The following MKI67 variants were observed in gnomAD, a reference collection of about 807,000 sequenced individuals.
MKI67 encodes proliferation marker protein Ki-67.
In MKI67, 152 loss-of-function variants were observed where a neutral mutation model predicts 233.5. The observed-to-expected ratio is 0.65, with a 90% CI of 0.57 to 0.74. MKI67 has a LOEUF of 0.74. Among genes scored for constraint, MKI67 ranks in the 30% least tolerant of loss-of-function variants. The probability of loss-of-function intolerance (pLI) is 0.00; values close to 1 mark genes in which losing one functional copy is unlikely to be tolerated. For synonymous variants in MKI67, 1,465 were observed against 1,418.5 expected (o/e 1.03, Z -0.74); for missense variants, 3,940 against 3,885.2 (o/e 1.01, Z -0.37).
At chr10:128,117,807 G>A (rs1353442954) in intron 5 of MKI67, among the ~76,000 whole-genome samples, 4 of 152,100 alleles carry the variant, frequency 2.6e-5, no homozygotes, top group Non-Finnish European at 4.4e-5. Flanking sequence ...TTTGTTGTAC[G>A]ATTACATTCA....
rs1852242232 is a variant in MKI67, at chr10:128,097,752, C to T, written c.*1438G>A. On this transcript the variant is annotated 3_prime_UTR_variant, in exon 15 of 15. Coordinates refer to ENST00000368654, the MANE Select transcript of MKI67 (RefSeq NM_002417.5). ...GTGCAATCCCTGTACCCTTTGCAGC[C>T]CTGTGAAGCCCTCAGATGTCCCCTC... The T allele has an allele frequency of 6.6e-6, 1 of 152,432 alleles. No individual in the cohort carries two copies. Among genetic ancestry groups the T allele is most frequent in the African/African-American group, 2.4e-5 (1 of 41,402 alleles). The allele number at this position is 152,432 out of a possible 1,614,324, so 9.4% of individuals were successfully genotyped here. A position where few individuals can be genotyped will look rare whatever the true frequency, so the allele number is the denominator to read the frequency against.
In MKI67 at chr10:128,109,360, C is replaced by T. The variant is rs1852618280; in HGVS notation, c.2480G>A (p.Ser827Asn). The change falls in exon 13 of 15, where the codon AGC becomes AAC. Residue 827 changes from serine (S) to asparagine (N), a missense_variant. Physicochemically the swap from Ser to Asn is conservative, Grantham distance 46 (BLOSUM62 1). Coordinates refer to ENST00000368654, the MANE Select transcript of MKI67 (RefSeq NM_002417.5). ...AKQPSDKCSA[S>N]PPLRRQCIRE... ...AATACACTGCCGTCTTAAGGGAGGG[C>T]TTGCAGAGCATTTATCAGATGGCTG... 3 of 1,614,048 alleles carry T rather than the reference C, an allele frequency of 1.9e-6. No individual in the cohort carries two copies. Among genetic ancestry groups the T allele is most frequent in the Non-Finnish European group, 2.5e-6 (3 of 1,180,034 alleles).
At chr10:128,114,787 G>A (rs1456191700) in intron 7 of MKI67, 141 bp downstream of exon 7, 1 of 765,260 alleles carries the variant, frequency 1.3e-6, no homozygotes, top group East Asian at 2.6e-5. Context: ...AAAACAGCGT[G>A]CGTGTCTGTC....
At position 128,106,236 on chromosome 10, in the gene MKI67, G is replaced by A; in HGVS notation, c.5604C>T (p.Asp1868=). The A allele has an allele frequency of 6.2e-7, 1 of 1,614,034 alleles. No individual in the cohort carries two copies. Among genetic ancestry groups the A allele is most frequent in the Non-Finnish European group, 8.5e-7 (1 of 1,180,020 alleles). The part of the protein sequence containing the change: ...LCKSPQSDPA[D]TPTNTKQRPK... ...GCCGTTGCTTTGTGTTTGTTGGGGT[G>A]TCCGCTGGGTCTGATTGCGGAGATT... The change falls in exon 13 of 15, where the codon GAC becomes GAT. Residue 1868 remains aspartate, a synonymous_variant. Coordinates refer to ENST00000368654, the MANE Select transcript of MKI67 (RefSeq NM_002417.5).
intron 12 of MKI67, among the ~76,000 whole-genome samples, chr10:128,109,706 T>C (rs1049501810): frequency 6.6e-6 from 1 of 152,224 alleles, no homozygotes; most frequent in Non-Finnish European, 1.5e-5. Context: ...AAGGTTGCCA[T>C]GCCCTGTGTC....
At chr10:128,110,276 G>T (rs532961901) in intron 12 of MKI67, 102 bp downstream of exon 12, 1 of 932,194 alleles carries the variant, frequency 1.1e-6, no homozygotes, top group Non-Finnish European at 1.5e-6. Flanking sequence ...TTTGTGCCAG[G>T]AACATTTGTT....
Position 128,102,941 on chromosome 10 carries a change from T to C in MKI67, c.8899A>G (p.Lys2967Glu). Residue 2967 changes from lysine (K) to glutamate (E), a missense_variant, in exon 13 of 15, where the codon AAA (lysine) becomes GAA (glutamate). Lys to Glu is a moderately conservative substitution (Grantham distance 56). Transcript: ENST00000368654. ...ACCACGTCTCCCACGGGTTCTACTT[T>C]AGGGGCCCGAAGAACTCTTCTGGAT... The part of the protein sequence containing the change: ...KISRRVLRAP[K>E]VEPVGDVVST... The C allele has an allele frequency of 6.2e-7, 1 of 1,614,246 alleles. No homozygotes were observed. The highest frequency in any genetic ancestry group is 1.1e-5 in the South Asian group (1 of 91,088).
intron 12 of MKI67, among the ~76,000 whole-genome samples, chr10:128,109,813 T>C (rs139540104): frequency 1.1e-4 from 16 of 152,318 alleles, no homozygotes; most frequent in South Asian, 4.1e-4. Context: ...ATTATCCTTA[T>C]GTGGTTAGGG....
rs554477705 is a variant in MKI67, at chr10:128,109,438, T to C, written c.2417-15A>G. ...CACATTTCCTCCTGAAATAAAAACA[T>C]ACACAATAAAAACATTCTATTAGTG... On this transcript the variant is annotated splice_polypyrimidine_tract_variant and intron_variant, in intron 12 of 14. Coordinates refer to ENST00000368654, the MANE Select transcript of MKI67 (RefSeq NM_002417.5). 9 of 1,596,356 alleles carry C rather than the reference T, an allele frequency of 5.6e-6. No individual in the cohort carries two copies. Among genetic ancestry groups the C allele is most frequent in the South Asian group, 3.4e-5 (3 of 89,376 alleles).
rs754161064 is a variant in MKI67 at position 128,103,314 on chromosome 10, G to C, written c.8526C>G (p.Pro2842=). ...CTTCTACTTTCTGGGCACGTGTCCT[G>C]GGCCGTCTCTTTGAGCTTGTTGCGG... ...EDTATSSKRR[P]RTRAQKVEVK... The change falls in exon 13 of 15, where the codon CCC becomes CCG. Residue 2842 remains proline (P), a synonymous_variant. Coordinates refer to ENST00000368654, the MANE Select transcript of MKI67 (RefSeq NM_002417.5). The C allele has an allele frequency of 1.9e-6, 3 of 1,614,128 alleles. No homozygotes were observed. The South Asian group carries it at 3.3e-5, about 18-fold the overall frequency.
At chr10:128,100,585 AT>A (rs1852316202) in intron 14 of MKI67, among the ~76,000 whole-genome samples, 1 of 152,198 alleles carries the variant, frequency 6.6e-6, no homozygotes. Context: ...AATTCAACCT[AT>A]TTTTATTTTA....
intron 8 of MKI67, 123 bp downstream of exon 8, chr10:128,113,304 T>G: frequency 8.5e-7 from 1 of 1,179,448 alleles, no homozygotes; most frequent in Non-Finnish European, 1.2e-6. Context: ...TTTAAAAACT[T>G]GTTTCTTTAA....
intron 8 of MKI67, 54 bp downstream of exon 8, chr10:128,113,373 G>T: frequency 6.5e-7 from 1 of 1,549,766 alleles, no homozygotes; most frequent in Non-Finnish European, 8.9e-7. Context: ...AAAGGAATAG[G>T]TACCCGGTGT....
chr10:128,115,035 T>A lies in MKI67; in HGVS notation c.1373A>T (p.Lys458Met). 6.2e-7 allele frequency: 1 copy of A among 1,612,970 alleles called. No homozygotes were observed. The highest frequency in any genetic ancestry group is 8.5e-7 in the Non-Finnish European group (1 of 1,178,908). Residue 458 changes from lysine to methionine, a missense_variant, in exon 7 of 15, where the codon AAG becomes ATG. Coordinates refer to ENST00000368654, the MANE Select transcript of MKI67 (RefSeq NM_002417.5). Reference protein sequence around the residue: ...WLTQVERKIQKDSLSKPEKLG... With the variant: ...WLTQVERKIQMDSLSKPEKLG... ...TTTCTCAGGCTTGCTGAGGGAATCCTTTTGGATCTTCCTCTCAACTTGAGT... is the reference window on the plus strand; with the variant it reads ...TTTCTCAGGCTTGCTGAGGGAATCCATTTGGATCTTCCTCTCAACTTGAGT...
Position 128,115,694 on chromosome 10 carries a change from C to A in MKI67, c.714G>T (p.Trp238Cys). 6 of 1,613,882 alleles carry A rather than the reference C, an allele frequency of 3.7e-6. No homozygotes were observed. The highest frequency in any genetic ancestry group is 5.1e-6 in the Non-Finnish European group (6 of 1,180,008). The change falls in exon 7 of 15, where the codon TGG becomes TGT. Residue 238 changes from tryptophan to cysteine, a missense_variant. By Grantham distance (215) the Trp-to-Cys change is radical (BLOSUM62 -2). Transcript: ENST00000368654. ...DNSKKNESPFWKLYESVKKEL... is the reference protein window; with the variant it reads ...DNSKKNESPFCKLYESVKKEL... Reference sequence around the variant, plus strand: ...CTTTCTTCACTGACTCATAAAGCTTCCAAAAGGGAGATTCATTTTTTTTGC... The same window carrying A: ...CTTTCTTCACTGACTCATAAAGCTTACAAAAGGGAGATTCATTTTTTTTGC...
rs762902943 is a variant in MKI67, at chr10:128,107,119, C to T, written c.4721G>A (p.Arg1574Gln). The change falls in exon 13 of 15, where the codon CGG (arginine) becomes CAG (glutamine). Residue 1574 changes from arginine to glutamine, a missense_variant. Arg to Gln is a conservative substitution (Grantham distance 43). Coordinates refer to ENST00000368654, the MANE Select transcript of MKI67 (RefSeq NM_002417.5). The part of the protein sequence containing the change: ...LTENLTGSKR[R>Q]LQTPKEKAQA... Reference sequence around the variant, plus strand: ...GGCCTTTTCCTTAGGAGTTTGTAGCCGTCTCTTGCTGCCAGTTAAGTTCTC... The same window carrying T: ...GGCCTTTTCCTTAGGAGTTTGTAGCTGTCTCTTGCTGCCAGTTAAGTTCTC... 4.3e-6 allele frequency: 7 copies of T among 1,613,098 alleles called. No homozygotes were observed. Among genetic ancestry groups the T allele is most frequent in the South Asian group, 1.1e-5 (1 of 91,028 alleles).
rs1031469004 is a variant in MKI67 at position 128,111,769 on chromosome 10, G to T, written c.2136C>A (p.Asn712Lys). 1 of 1,614,008 alleles carries T rather than the reference G, an allele frequency of 6.2e-7. No individual in the cohort carries two copies. Among genetic ancestry groups the T allele is most frequent in the African/African-American group, 1.3e-5 (1 of 74,914 alleles). ...VHSQFSTGHA[N>K]SPCTIIIGKA... ...TCCCTATTATTATGGTACAAGGAGA[G>T]TTTGCGTGGCCTGTACTAAATTGAC... Residue 712 changes from asparagine (N) to lysine (K), a missense_variant, in exon 11 of 15, where the codon AAC (asparagine) becomes AAA (lysine). By Grantham distance (94) the Asn-to-Lys change is moderately conservative (BLOSUM62 0). Coordinates refer to ENST00000368654, the MANE Select transcript of MKI67 (RefSeq NM_002417.5).
rs141364275 is a variant in MKI67 at position 128,102,744 on chromosome 10, C to A, written c.9096G>T (p.Arg3032Ser). Residue 3032 changes from arginine (R) to serine (S), a missense_variant, in exon 13 of 15, where the codon AGG becomes AGT. Transcript: ENST00000368654. ...ATTTGCCTCTTGCCCTGGGAGCAAC[C>A]CTCTGCTTCTTGCTGGCTGGCAGCT... ...VEELPASKKQ[R>S]VAPRARGKSS... The A allele has an allele frequency of 2.0e-4, 323 of 1,614,076 alleles. No homozygotes were observed. Among genetic ancestry groups the A allele is most frequent in the Non-Finnish European group, 2.6e-4 (311 of 1,180,048 alleles).
chr10:128,110,623 G>T, intron 11 of MKI67, 90 bp from the exon 12 acceptor site: 1 of 943,400 alleles, frequency 1.1e-6, no homozygotes, highest in Non-Finnish European at 1.5e-6. Flanking sequence ...GCAAATGGTG[G>T]GAAATAACAG....
Sources: allele counts gnomAD v4.1 joint callset (sites outside exome capture counted in the v4.1 genomes callset), GRCh38; gene constraint gnomAD v4.1.1; transcripts MANE v1.5; gene names NCBI Gene and HGNC (gene_info 2026-07-23, HGNC 2026-07-21).